CADPS: variants seen among roughly 807,000 people sequenced by gnomAD.
CADPS encodes calcium-dependent secretion activator 1.
CADPS carries 57 observed loss-of-function variants against 167.3 expected under a neutral mutation model. The observed-to-expected ratio is 0.34, with a 90% confidence interval of 0.28 to 0.42. CADPS has a LOEUF of 0.42. CADPS is among the 20% of genes least tolerant of loss of function. The pLI is 1.00. For missense variants in CADPS, 1,414 were observed against 1,738.1 expected, an observed-to-expected ratio of 0.81 and a Z score of 3.32; for synonymous variants, 676 against 635.3, an observed-to-expected ratio of 1.06 and a Z score of -0.96.
chr3:62,527,259 G>A (rs2072514450), intron 13 of CADPS, among the ~76,000 whole-genome samples: 1 of 152,140 alleles, frequency 6.6e-6, no homozygotes, highest in East Asian at 1.9e-4. Context: ...AGGGAGTTTG[G>A]TTTAAAACAG....
intron 1 of CADPS, among the ~76,000 whole-genome samples, chr3:62,826,675 C>T (rs750482672): frequency 2.4e-4 from 37 of 152,186 alleles, no homozygotes; most frequent in South Asian, 6.2e-4. Flanking sequence ...GGGGCTTTCA[C>T]ATCATTCTTA....
intron 3 of CADPS, among the ~76,000 whole-genome samples, chr3:62,709,894 C>T (rs1312091256): frequency 6.6e-6 from 1 of 151,818 alleles, no homozygotes; most frequent in African/African-American, 2.4e-5. Context: ...CTCAGCCTCC[C>T]GAGTGGCTGG....
intron 1 of CADPS, among the ~76,000 whole-genome samples, chr3:62,775,741 A>G (rs899933923): frequency 2.0e-5 from 3 of 152,174 alleles, no homozygotes; most frequent in African/African-American, 7.2e-5. Flanking sequence ...GTCCCTTCCC[A>G]TGAGACAACT....
chr3:62,481,010 C>T lies in CADPS; in HGVS notation c.3173+713G>A, dbSNP rs369753024. Among the ~76,000 whole-genome samples the T allele has an allele frequency of 2.6e-5, 4 of 152,282 alleles. No individual in the cohort carries two copies. The South Asian group carries it at 8.3e-4, about 32-fold the overall frequency. ...GACATTCATGTGGATGAGTATAAAG[C>T]ATAGCCCTATATTCAGATGATATGG... On this transcript the variant is annotated intron_variant, in intron 22 of 29. Transcript: ENST00000383710.
chr3:62,802,165 T>A (rs2093807217), intron 1 of CADPS, among the ~76,000 whole-genome samples: 1 of 152,140 alleles, frequency 6.6e-6, no homozygotes, highest in Non-Finnish European at 1.5e-5. Flanking sequence ...AAATTTTGAC[T>A]ATAACCTAGT....
chr3:62,449,265 TTTTTCTTTTC>T (rs560610657), intron 26 of CADPS, among the ~76,000 whole-genome samples: 5 of 152,158 alleles, frequency 3.3e-5, no homozygotes, highest in Non-Finnish European at 5.9e-5. Flanking sequence ...TCTGGACGTG[TTTTTCTTTTC>T]TTTTCTTTTC....
chr3:62,636,537 T>C (rs1001727913), intron 6 of CADPS, among the ~76,000 whole-genome samples: 8 of 152,310 alleles, frequency 5.3e-5, no homozygotes, highest in African/African-American at 1.9e-4. Context: ...CCCCTGATAA[T>C]TGGCATCATG....
At chr3:62,487,085 C>A (rs2062938523) in intron 21 of CADPS, among the ~76,000 whole-genome samples, 1 of 152,170 alleles carries the variant, frequency 6.6e-6, no homozygotes, top group African/African-American at 2.4e-5. Flanking sequence ...GTTTCTGAAC[C>A]CCACCTCCAG....
chr3:62,453,813 G>A (rs1418189372), intron 26 of CADPS, among the ~76,000 whole-genome samples: 1 of 152,184 alleles, frequency 6.6e-6, no homozygotes, highest in African/African-American at 2.4e-5. Flanking sequence ...TCACCAGAGG[G>A]CCTGAAATGT....
intron 24 of CADPS, chr3:62,469,683 T>C: frequency 5.6e-6 from 1 of 178,454 alleles, no homozygotes; most frequent in Non-Finnish European, 1.2e-5. Context: ...CATTTTTTTG[T>C]ATTTTTAGTA....
chr3:62,803,816 G>A (rs2093925627), intron 1 of CADPS, among the ~76,000 whole-genome samples: 1 of 152,078 alleles, frequency 6.6e-6, no homozygotes, highest in Non-Finnish European at 1.5e-5. Flanking sequence ...GTAACTTCAA[G>A]TTCTTCTCCT....
intron 3 of CADPS, among the ~76,000 whole-genome samples, chr3:62,691,572 T>C (rs1008139714): frequency 2.6e-5 from 4 of 151,946 alleles, no homozygotes; most frequent in African/African-American, 9.7e-5. Context: ...TGAGTTAAAA[T>C]AGTGAATAAA....
intron 4 of CADPS, among the ~76,000 whole-genome samples, chr3:62,652,371 A>T (rs1457399539): frequency 6.7e-6 from 1 of 149,404 alleles, no homozygotes; most frequent in African/African-American, 2.5e-5. Flanking sequence ...CCCATGGAAC[A>T]TGAATTGGTA....
At chr3:62,654,893 G>A (rs1292987525) in intron 4 of CADPS, among the ~76,000 whole-genome samples, 1 of 152,162 alleles carries the variant, frequency 6.6e-6, no homozygotes, top group African/African-American at 2.4e-5. Flanking sequence ...TCAATTTTGA[G>A]AGACTGTCTT....
At chr3:62,536,162 C>G (rs1476035308) in intron 12 of CADPS, 2 of 292,400 alleles carry the variant, frequency 6.8e-6, no homozygotes, top group Non-Finnish European at 1.3e-5. Flanking sequence ...AGGTGCCAAA[C>G]TCGATTACCC....
At chr3:62,755,319 G>A (rs1381359198) in intron 2 of CADPS, among the ~76,000 whole-genome samples, 1 of 152,036 alleles carries the variant, frequency 6.6e-6, no homozygotes, top group Non-Finnish European at 1.5e-5. Flanking sequence ...TCTTATTTTT[G>A]CTCCACTGCC....
chr3:62,576,549 G>A (rs2082301256), intron 8 of CADPS, among the ~76,000 whole-genome samples: 1 of 151,726 alleles, frequency 6.6e-6, no homozygotes, highest in Non-Finnish European at 1.5e-5. Context: ...CTAGCACTTT[G>A]GGAGGCTGAG....
chr3:62,871,093 G>GT (rs1212327983), intron 1 of CADPS, among the ~76,000 whole-genome samples: 2 of 152,058 alleles, frequency 1.3e-5, no homozygotes, highest in African/African-American at 2.4e-5. Flanking sequence ...ATAATAAAAT[G>GT]TTTTTTCAGA....
rs79920723 is a variant in CADPS, at chr3:62,842,778, T to C, written c.441+31811A>G. 4.9e-4 allele frequency among the ~76,000 whole-genome samples: 75 copies of C among 152,304 alleles called. 2 individuals carry two copies. The East Asian group carries it at 0.014, about 29-fold the overall frequency. On this transcript the variant is annotated intron_variant, in intron 1 of 29. Transcript: ENST00000383710. ...CCCATGCCCTCTGATTAGAATGCAC[T>C]GCCCCTATCTCACTCTCTAGACATG... is the stretch of plus-strand genomic sequence containing the variant.
Sources: allele counts gnomAD v4.1 joint callset (sites outside exome capture counted in the v4.1 genomes callset), GRCh38; gene constraint gnomAD v4.1.1; transcripts MANE v1.5; gene names NCBI Gene and HGNC (gene_info 2026-07-23, HGNC 2026-07-21).